Variants in EDA observed in about 807,000 individuals in gnomAD.
EDA encodes the protein ectodysplasin-A.
Under a neutral mutation model 23.6 loss-of-function variants are expected in EDA, and 2 were observed. That is an observed-to-expected ratio of 0.08 (90% CI 0.03 to 0.27). The LOEUF (loss-of-function observed/expected upper bound fraction) is 0.27. Among genes scored for constraint, EDA ranks in the 10% least tolerant of loss-of-function variants. The probability of loss-of-function intolerance (pLI) is 1.00; values close to 1 mark genes in which losing one functional copy is unlikely to be tolerated. For missense variants in EDA, 229 were observed against 324.2 expected (o/e 0.71, Z 2.26); for synonymous variants, 131 against 132.0 (o/e 0.99, Z 0.05).
intron 1 of EDA, among the ~76,000 whole-genome samples, chrX:69,687,209 G>A (rs1017920586): frequency 8.2e-5 from 9 of 109,118 alleles, no homozygotes; most frequent in African/African-American, 2.7e-4. Context: ...CTACTTATAC[G>A]TATCCTTTGG....
chrX:69,932,998 G>A (rs2018621249), intron 1 of EDA, among the ~76,000 whole-genome samples: 1 of 109,068 alleles, frequency 9.2e-6, no homozygotes, highest in African/African-American at 3.3e-5. Flanking sequence ...ACTATAGACA[G>A]TATCTCTTAG....
intron 1 of EDA, among the ~76,000 whole-genome samples, chrX:69,686,205 C>A (rs1194799866): frequency 8.9e-6 from 1 of 112,141 alleles, no homozygotes. Flanking sequence ...GACAGGGTTT[C>A]ACCATGTTGG....
chrX:69,637,701 A>G (rs1235464057), intron 1 of EDA, among the ~76,000 whole-genome samples: 1 of 110,738 alleles, frequency 9.0e-6, no homozygotes, highest in Non-Finnish European at 1.9e-5. Flanking sequence ...TAAAGATAAT[A>G]TCGACTCTAT....
chrX:69,673,823 A>T (rs1365805927), intron 1 of EDA, among the ~76,000 whole-genome samples: 1 of 111,518 alleles, frequency 9.0e-6, no homozygotes, highest in Admixed American at 9.6e-5. Flanking sequence ...AGGCTATTCA[A>T]AGTCTATTCT....
intron 1 of EDA, among the ~76,000 whole-genome samples, chrX:69,911,628 TAATAA>T (rs957933916): frequency 8.9e-6 from 1 of 112,147 alleles, no homozygotes; most frequent in African/African-American, 3.2e-5. Context: ...ACTAATATCA[TAATAA>T]AATGAGTCAT....
chrX:69,616,157 C>A lies in EDA; in HGVS notation c.-152C>A. ...GTAGAGCTGCACATGCGGCTGCTCC[C>A]TGCTCCGTCCCGCCCAGCCACTGTC... On this transcript the variant is annotated 5_prime_UTR_variant, in exon 1 of 8. In the 5' UTR this introduces an upstream ATG that the reference lacks. Coordinates refer to ENST00000374552, the MANE Select transcript of EDA (RefSeq NM_001399.5). The A allele has an allele frequency of 6.5e-6, 4 of 610,945 alleles. No individual in the cohort carries two copies. In the East Asian group the frequency reaches 1.4e-4, roughly 22 times the overall value. The allele number at this position is 610,945 out of a possible 1,213,427, so 50.3% of individuals were successfully genotyped here. A position where few individuals can be genotyped will look rare whatever the true frequency, so the allele number is the denominator to read the frequency against.
At chrX:69,958,871 CTT>C (rs1467551734) in intron 2 of EDA, among the ~76,000 whole-genome samples, 1 of 111,036 alleles carries the variant, frequency 9.0e-6, no homozygotes, top group Non-Finnish European at 1.9e-5. Flanking sequence ...AACCATCAAA[CTT>C]TTCATAATCC....
At chrX:69,706,073 A>G (rs997504406) in intron 1 of EDA, among the ~76,000 whole-genome samples, 15 of 112,352 alleles carry the variant, frequency 1.3e-4, no homozygotes, top group Non-Finnish European at 2.4e-4. Context: ...AGAGACAGAG[A>G]CAGCCTTATA....
chrX:70,039,451 C>G lies in EDA; in HGVS notation c.*3842C>G, dbSNP rs1602627902. On this transcript the variant is annotated 3_prime_UTR_variant, in exon 8 of 8. Coordinates refer to ENST00000374552, the MANE Select transcript of EDA (RefSeq NM_001399.5). ...TGGTTTATTCTTTGCAAATAAAACG[C>G]TTTCCCCGTCTGTTCTTGAAATCGG... 1.8e-5 allele frequency: 2 copies of G among 112,028 alleles called. No homozygotes were observed. The highest frequency in any genetic ancestry group is 6.5e-5 in the African/African-American group (2 of 30,722). The allele number at this position is 112,028 out of a possible 1,213,427, so 9.2% of individuals were successfully genotyped here.
chrX:69,634,382 G>C (rs922537100), intron 1 of EDA, among the ~76,000 whole-genome samples: 3 of 111,095 alleles, frequency 2.7e-5, no homozygotes, highest in African/African-American at 9.8e-5. Flanking sequence ...GCATGATCTC[G>C]GCTCACTGCG....
chrX:69,939,215 A>G (rs769371947), intron 1 of EDA, among the ~76,000 whole-genome samples: 1 of 111,981 alleles, frequency 8.9e-6, no homozygotes, highest in South Asian at 3.7e-4. Context: ...TGATTTTTCT[A>G]ATCCATGAAC....
intron 1 of EDA, among the ~76,000 whole-genome samples, chrX:69,865,259 G>A (rs934175768): frequency 2.7e-5 from 3 of 109,993 alleles, no homozygotes; most frequent in East Asian, 2.9e-4. Context: ...TTCTTAGACA[G>A]AACTAATAGG....
At chrX:69,982,248 A>C (rs762869605) in intron 2 of EDA, among the ~76,000 whole-genome samples, 3 of 111,798 alleles carry the variant, frequency 2.7e-5, no homozygotes, top group African/African-American at 6.5e-5. Flanking sequence ...TACTCCCACC[A>C]GTCTTACTTT....
In EDA at chrX:70,027,883, A is replaced by T; in HGVS notation, c.553A>T (p.Asn185Tyr). The change falls in exon 4 of 8, where the codon AAT (asparagine) becomes TAT (tyrosine). Residue 185 changes from asparagine (N) to tyrosine (Y), a missense_variant. Around this residue, in one of 2 missense-constraint regions of EDA, gnomAD observed 175 missense variants for 281.8 expected, o/e 0.62. Transcript: ENST00000374552. ...AAAGAAAGCAGGACCTCCTGGACCCAATGGCCCTCCAGGACCCCCAGGACC... is the reference window on the plus strand; with the variant it reads ...AAAGAAAGCAGGACCTCCTGGACCCTATGGCCCTCCAGGACCCCCAGGACC... The part of the protein sequence containing the change: ...KGKKAGPPGP[N>Y]GPPGPPGPPG... 1 of 1,012,585 alleles carries T rather than the reference A, an allele frequency of 9.9e-7. No individual in the cohort carries two copies. Among genetic ancestry groups the T allele is most frequent in the East Asian group, 3.2e-5 (1 of 30,786 alleles). The allele number at this position is 1,012,585 out of a possible 1,213,427, so 83.4% of individuals were successfully genotyped here. A position where few individuals can be genotyped will look rare whatever the true frequency, so the allele number is the denominator to read the frequency against.
Position 69,929,706 on chromosome X carries a change from T to TGTGTGTG in EDA, c.397-27321_397-27320insGTGTGTG, listed in dbSNP as rs373930590. Among the ~76,000 whole-genome samples the TGTGTGTG allele has an allele frequency of 8.6e-3, 724 of 84,329 alleles. 37 individuals are homozygous for TGTGTGTG. The East Asian group carries it at 0.14, about 16-fold the overall frequency. The allele number at this position is 84,329 out of a possible 115,157, so 73.2% of individuals were successfully genotyped here. A position where few individuals can be genotyped will look rare whatever the true frequency, so the allele number is the denominator to read the frequency against. ...GAAAACACTTCACTTCATTCTATTTTTGTGTGTGTGTGTGTGTGTGTGTGT... is the reference window on the plus strand; with the variant it reads ...GAAAACACTTCACTTCATTCTATTTTGTGTGTGTGTGTGTGTGTGTGTGTGTGTGTGT... On this transcript the variant is annotated intron_variant, in intron 1 of 7. Coordinates refer to ENST00000374552, the MANE Select transcript of EDA (RefSeq NM_001399.5).
At chrX:69,780,708 G>T (rs1389047635) in intron 1 of EDA, among the ~76,000 whole-genome samples, 1 of 108,052 alleles carries the variant, frequency 9.3e-6, no homozygotes, top group African/African-American at 3.6e-5. Context: ...AAAGTGTGTG[G>T]CAATTCCCCC....
intron 2 of EDA, among the ~76,000 whole-genome samples, chrX:69,968,657 T>C (rs1265313654): frequency 3.6e-5 from 4 of 112,240 alleles, no homozygotes; most frequent in African/African-American, 6.5e-5. Context: ...CAAGCACAAT[T>C]CTTCCTTGCT....
chrX:70,020,558 CAAAA>C (rs555853182), intron 2 of EDA, among the ~76,000 whole-genome samples: 2 of 75,994 alleles, frequency 2.6e-5, no homozygotes, highest in African/African-American at 5.7e-5. Context: ...GACTCCGTCT[CAAAA>C]AAAAAAAAAA....
intron 1 of EDA, among the ~76,000 whole-genome samples, chrX:69,821,348 G>C (rs779359560): frequency 4.6e-5 from 5 of 109,879 alleles, no homozygotes; most frequent in Non-Finnish European, 9.5e-5. Context: ...CATGGCACAT[G>C]TTTATCTATG....
Sources: gnomAD v4.1 joint callset for allele counts (sites outside exome capture counted in the v4.1 genomes callset) on GRCh38, gnomAD v4.1.1 for gene constraint, gnomAD v4.1.1 regional missense constraint, MANE v1.5 for transcripts, NCBI Gene and HGNC (gene_info 2026-07-23, HGNC 2026-07-21) for gene names.